AGBL4: variants seen among roughly 807,000 people sequenced by gnomAD.
The protein encoded by AGBL4 is AGBL carboxypeptidase 4.
AGBL4 carries 58 observed loss-of-function variants against 66.4 expected under a neutral mutation model. The observed-to-expected ratio is 0.87, with a 90% CI of 0.71 to 1.09. The LOEUF is 1.09. AGBL4 is among the 50% of genes least tolerant of loss of function. The pLI, the probability that AGBL4 is intolerant of heterozygous loss-of-function variation, is 0.00. For missense variants in AGBL4, 579 were observed against 631.0 expected (o/e 0.92, Z 0.88); for synonymous variants, 234 against 222.9 (o/e 1.05, Z -0.44).
intron 3 of AGBL4, among the ~76,000 whole-genome samples, chr1:49,399,631 C>T (rs1645042649): frequency 1.3e-5 from 2 of 152,060 alleles, no homozygotes; most frequent in South Asian, 4.1e-4. Context: ...CTTTTTTCCA[C>T]TTGTATGTCT....
chr1:49,102,083 T>A (rs1056634450), intron 4 of AGBL4, among the ~76,000 whole-genome samples: 3 of 151,728 alleles, frequency 2.0e-5, no homozygotes, highest in Admixed American at 1.3e-4. Context: ...AGCAGTAGGT[T>A]TTAGCAGCAG....
intron 1 of AGBL4, among the ~76,000 whole-genome samples, chr1:49,938,155 A>G (rs1169179518): frequency 6.6e-6 from 1 of 151,642 alleles, no homozygotes; most frequent in Non-Finnish European, 1.5e-5. Context: ...AAAAAATGAT[A>G]AAGGGGATAT....
chr1:48,979,962 T>G (rs1659615772), intron 5 of AGBL4, among the ~76,000 whole-genome samples: 1 of 152,188 alleles, frequency 6.6e-6, no homozygotes, highest in African/African-American at 2.4e-5. Flanking sequence ...TTTTAAACAG[T>G]TCATTCTGTA....
At chr1:49,771,899 T>C (rs1644070061) in intron 2 of AGBL4, among the ~76,000 whole-genome samples, 1 of 152,072 alleles carries the variant, frequency 6.6e-6, no homozygotes, top group African/African-American at 2.4e-5. Context: ...TAGCAACATA[T>C]AGTTGGATCT....
chr1:49,886,279 C>A (rs989903150), intron 1 of AGBL4, among the ~76,000 whole-genome samples: 12 of 152,090 alleles, frequency 7.9e-5, no homozygotes, highest in African/African-American at 2.9e-4. Context: ...AGAGAAGCAG[C>A]ATCTATGCCT....
chr1:49,254,559 G>A (rs921976036), intron 3 of AGBL4, among the ~76,000 whole-genome samples: 1 of 152,086 alleles, frequency 6.6e-6, no homozygotes, highest in Admixed American at 6.5e-5. Context: ...TGGATAGGAA[G>A]AATCAATATT....
intron 4 of AGBL4, among the ~76,000 whole-genome samples, chr1:49,146,831 T>A (rs1157110972): frequency 6.6e-6 from 1 of 152,202 alleles, no homozygotes; most frequent in Non-Finnish European, 1.5e-5. Flanking sequence ...GCCTCATCCA[T>A]CATCATTACA....
chr1:49,989,947 C>T (rs1659803403), intron 1 of AGBL4, among the ~76,000 whole-genome samples: 1 of 152,018 alleles, frequency 6.6e-6, no homozygotes, highest in African/African-American at 2.4e-5. Context: ...ACATAATTTT[C>T]CATAATTTCC....
At chr1:49,604,384 ACTAT>A (rs1645025590) in intron 3 of AGBL4, among the ~76,000 whole-genome samples, 1 of 152,156 alleles carries the variant, frequency 6.6e-6, no homozygotes, top group African/African-American at 2.4e-5. Context: ...TCTTTTGAGA[ACTAT>A]CTATTAAGGT....
intron 3 of AGBL4, among the ~76,000 whole-genome samples, chr1:49,442,374 A>G (rs1646054115): frequency 1.3e-5 from 2 of 152,222 alleles, no homozygotes. Context: ...GCAAAAACAT[A>G]TAGGTATTTA....
intron 5 of AGBL4, among the ~76,000 whole-genome samples, chr1:49,016,583 A>T (rs1662842623): frequency 6.6e-6 from 1 of 152,222 alleles, no homozygotes; most frequent in African/African-American, 2.4e-5. Flanking sequence ...GATGGGATTC[A>T]GGAGCAAGAG....
At chr1:48,962,682 C>G (rs527584335) in intron 5 of AGBL4, among the ~76,000 whole-genome samples, 1 of 152,262 alleles carries the variant, frequency 6.6e-6, no homozygotes, top group African/African-American at 2.4e-5. Flanking sequence ...TGTGCATAGG[C>G]CTGCACTTGG....
chr1:48,572,201 A>C (rs1292005921), intron 11 of AGBL4, among the ~76,000 whole-genome samples: 1 of 152,070 alleles, frequency 6.6e-6, no homozygotes, highest in African/African-American at 2.4e-5. Context: ...GGCCACTGTA[A>C]AAGGCACTGA....
intron 3 of AGBL4, among the ~76,000 whole-genome samples, chr1:49,416,867 A>G (rs963137806): frequency 1.3e-5 from 2 of 152,140 alleles, no homozygotes; most frequent in Admixed American, 6.6e-5. Flanking sequence ...CCTACATGCA[A>G]CAATGGCAAA....
At chr1:49,638,877 GC>G (rs1253542145) in intron 3 of AGBL4, among the ~76,000 whole-genome samples, 7 of 152,090 alleles carry the variant, frequency 4.6e-5, no homozygotes, top group Non-Finnish European at 1.0e-4. Flanking sequence ...CTACTAACAC[GC>G]CAATCCCTGT....
intron 3 of AGBL4, among the ~76,000 whole-genome samples, chr1:49,550,969 A>C (rs1198248774): frequency 1.3e-5 from 2 of 151,934 alleles, no homozygotes; most frequent in African/African-American, 4.8e-5. Context: ...ATAATCCCAG[A>C]CTTCTTGGAG....
chr1:49,129,148 T>C (rs1250551290), intron 4 of AGBL4, among the ~76,000 whole-genome samples: 2 of 151,952 alleles, frequency 1.3e-5, no homozygotes, highest in Non-Finnish European at 2.9e-5. Context: ...TGAAACAACA[T>C]TGAATACTAC....
At chr1:49,143,392 C>T (rs1472235208) in intron 4 of AGBL4, among the ~76,000 whole-genome samples, 1 of 152,146 alleles carries the variant, frequency 6.6e-6, no homozygotes, top group African/African-American at 2.4e-5. Flanking sequence ...AAATGGCTAC[C>T]TCATCTTCAG....
chr1:49,652,079 C>T (rs1309556328), intron 3 of AGBL4, among the ~76,000 whole-genome samples: 1 of 151,934 alleles, frequency 6.6e-6, no homozygotes, highest in Non-Finnish European at 1.5e-5. Flanking sequence ...TAGGCTAGAC[C>T]AAGCATAAGG....
Sources: allele counts gnomAD v4.1 joint callset (sites outside exome capture counted in the v4.1 genomes callset), GRCh38; gene constraint gnomAD v4.1.1; transcripts MANE v1.5; gene names NCBI Gene and HGNC (gene_info 2026-07-23, HGNC 2026-07-21).